IL20RA: variants seen among roughly 807,000 people sequenced by gnomAD.
The protein encoded by IL20RA is interleukin-20 receptor subunit alpha.
IL20RA carries 29 observed loss-of-function variants against 36.5 expected under a neutral mutation model. The ratio of observed to expected loss-of-function variants is 0.79; its 90% CI spans 0.59 to 1.08. IL20RA has a LOEUF of 1.08. Ranked by LOEUF, IL20RA falls within the 50% of genes least tolerant of loss-of-function variation. IL20RA has a pLI of 0.00. For synonymous variants in IL20RA, 279 were observed against 267.1 expected (o/e 1.04, Z -0.43); for missense variants, 652 against 668.4 (o/e 0.98, Z 0.27).
intron 2 of IL20RA, among the ~76,000 whole-genome samples, chr6:137,014,446 A>T (rs552535536): frequency 6.6e-6 from 1 of 152,302 alleles, no homozygotes; most frequent in African/African-American, 2.4e-5. Flanking sequence ...TATACCATAC[A>T]TATGGTTTTA....
At chr6:137,042,767 A>C (rs561603423) in intron 1 of IL20RA, 1 of 152,302 alleles carries the variant, frequency 6.6e-6, no homozygotes, top group Non-Finnish European at 1.5e-5. Flanking sequence ...AAATGAGAGC[A>C]TTAAAGCATT....
At chr6:137,043,470 G>A (rs987490941) in intron 1 of IL20RA, among the ~76,000 whole-genome samples, 2 of 152,098 alleles carry the variant, frequency 1.3e-5, no homozygotes, top group South Asian at 2.1e-4. Context: ...ATATTTGCAC[G>A]TCAGTCGTTT....
At chr6:137,043,730 G>A (rs1012112956) in intron 1 of IL20RA, among the ~76,000 whole-genome samples, 7 of 152,276 alleles carry the variant, frequency 4.6e-5, no homozygotes, top group Admixed American at 2.0e-4. Flanking sequence ...AAAAGACAGC[G>A]GGGCCTGAAC....
At chr6:137,002,875 G>A (rs1256765638) in intron 6 of IL20RA, among the ~76,000 whole-genome samples, 1 of 152,224 alleles carries the variant, frequency 6.6e-6, no homozygotes, top group Non-Finnish European at 1.5e-5. Context: ...TATATGAGCA[G>A]GGATGGTTTT....
rs1242104088 is a variant in IL20RA at position 137,009,461 on chromosome 6, A to G, written c.435T>C (p.Thr145=). The change falls in exon 4 of 7, where the codon ACT becomes ACC. Residue 145 remains threonine (T), a synonymous_variant. Transcript: ENST00000316649. ...CAACAGAAATGGACTTCTCATCTGT[A>G]GTCAGTGCCACCTCTGGTGGGCCAA... ...TQIGPPEVAL[T]TDEKSISVVL... 3 of 1,612,812 alleles carry G rather than the reference A, an allele frequency of 1.9e-6. No individual in the cohort carries two copies. The highest frequency in any genetic ancestry group is 2.5e-6 in the Non-Finnish European group (3 of 1,178,812).
rs1275037714 is a variant in IL20RA at position 137,011,322 on chromosome 6, T to C, written c.355A>G (p.Lys119Glu). 1 of 1,613,728 alleles carries C rather than the reference T, an allele frequency of 6.2e-7. No individual in the cohort carries two copies. Among genetic ancestry groups the C allele is most frequent in the Non-Finnish European group, 8.5e-7 (1 of 1,179,746 alleles). ...CCACTTTCAGCCCATTTGGAACACT[T>C]TGTTCCCCAAATGGCCTTAACTTTG... is the stretch of plus-strand genomic sequence containing the variant. ...YAKVKAIWGTKCSKWAESGRF... is the reference protein window; with the variant it reads ...YAKVKAIWGTECSKWAESGRF... Residue 119 changes from lysine (K) to glutamate (E), a missense_variant, in exon 3 of 7, where the codon AAG (lysine) becomes GAG (glutamate). Coordinates refer to ENST00000316649, the MANE Select transcript of IL20RA (RefSeq NM_014432.4).
chr6:137,016,104 C>G (rs1673742124), intron 2 of IL20RA, among the ~76,000 whole-genome samples: 1 of 152,192 alleles, frequency 6.6e-6, no homozygotes, highest in Admixed American at 6.5e-5. Context: ...TGCCTCCCAG[C>G]CAGTGCCACC....
At chr6:137,006,310 C>T (rs1775276344) in intron 5 of IL20RA, among the ~76,000 whole-genome samples, 1 of 152,236 alleles carries the variant, frequency 6.6e-6, no homozygotes, top group Non-Finnish European at 1.5e-5. Context: ...GCACATTCAT[C>T]ACCAGGTTCC....
intron 1 of IL20RA, among the ~76,000 whole-genome samples, chr6:137,019,043 T>A (rs1435608801): frequency 6.6e-6 from 1 of 152,198 alleles, no homozygotes. Context: ...AAAACAGAAG[T>A]TATCTTAGAT....
chr6:137,008,510 A>AT, intron 5 of IL20RA, 89 bp downstream of exon 5: 7 of 1,342,106 alleles, frequency 5.2e-6, no homozygotes, highest in Non-Finnish European at 6.0e-6. Flanking sequence ...TTAGACACGG[A>AT]TTTGTCAAAA....
At chr6:137,009,638 C>A (rs376884980) in intron 3 of IL20RA, 146 bp from the exon 4 acceptor site, 10 of 593,518 alleles carry the variant, frequency 1.7e-5, no homozygotes, top group African/African-American at 1.6e-4. Flanking sequence ...TGGAGTCTTG[C>A]CCCCTCGCCT....
chr6:137,011,687 G>A (rs1440450697), intron 2 of IL20RA, among the ~76,000 whole-genome samples: 1 of 152,074 alleles, frequency 6.6e-6, no homozygotes, highest in African/African-American at 2.4e-5. Context: ...ATTATAATGT[G>A]GACAGTATAT....
At position 137,011,391 on chromosome 6, in the gene IL20RA, C is replaced by A; in HGVS notation, c.286G>T (p.Asp96Tyr). 6.2e-7 allele frequency: 1 copy of A among 1,613,810 alleles called. No individual in the cohort carries two copies. Reference protein sequence around the residue: ...ECRNINRTYCDLSAETSDYEH... With the variant: ...ECRNINRTYCYLSAETSDYEH... ...TAGTCAGAAGTTTCAGCAGAAAGAT[C>A]ACAGTAGGTTCTATTGATATTTCTG... is the stretch of plus-strand genomic sequence containing the variant. The change falls in exon 3 of 7, where the codon GAT becomes TAT. Residue 96 changes from aspartate to tyrosine, a missense_variant. By Grantham distance (160) the Asp-to-Tyr change is radical. Transcript: ENST00000316649.
chr6:137,025,917 T>C (rs180806153), intron 1 of IL20RA, among the ~76,000 whole-genome samples: 5 of 152,368 alleles, frequency 3.3e-5, no homozygotes, highest in Non-Finnish European at 7.3e-5. Flanking sequence ...GGTGAACTCA[T>C]AAACAGCCAG....
intron 1 of IL20RA, among the ~76,000 whole-genome samples, chr6:137,018,631 G>A (rs752361496): frequency 2.0e-5 from 3 of 151,564 alleles, no homozygotes; most frequent in Non-Finnish European, 4.4e-5. Context: ...GGAACCATTG[G>A]GTAGCAAGTG....
At chr6:137,003,972 C>T (rs1775173896) in intron 6 of IL20RA, among the ~76,000 whole-genome samples, 1 of 152,104 alleles carries the variant, frequency 6.6e-6, no homozygotes, top group South Asian at 2.1e-4. Flanking sequence ...ATTCCCAGCG[C>T]CTGCTCTCAT....
rs184492494 is a variant in IL20RA at position 137,017,828 on chromosome 6, A to G, written c.89-725T>C. On this transcript the variant is annotated intron_variant, in intron 1 of 6. Coordinates refer to ENST00000316649, the MANE Select transcript of IL20RA (RefSeq NM_014432.4). ...AGAAAAACTGTATCCTAGAGGATTA[A>G]TTTACAGAAATCCTTGTAGAGAAAT... Among the ~76,000 whole-genome samples, 3 of 152,304 alleles carry G rather than the reference A, an allele frequency of 2.0e-5. No homozygotes were observed. In the East Asian group the frequency reaches 5.8e-4, roughly 29 times the overall value.
chr6:137,008,576 A>G (rs1328994413), intron 5 of IL20RA, 23 bp downstream of exon 5: 2 of 1,576,706 alleles, frequency 1.3e-6, no homozygotes, highest in East Asian at 4.6e-5. Context: ...TTCCTAGACC[A>G]GCAAAGATTT....
At chr6:137,022,173 C>T (rs192933384) in intron 1 of IL20RA, among the ~76,000 whole-genome samples, 2 of 152,286 alleles carry the variant, frequency 1.3e-5, no homozygotes, top group East Asian at 3.9e-4. Context: ...ATGTTAGATA[C>T]TAATCTGTTC....
Sources: allele counts gnomAD v4.1 joint callset (sites outside exome capture counted in the v4.1 genomes callset), GRCh38; gene constraint gnomAD v4.1.1; transcripts MANE v1.5; gene names NCBI Gene and HGNC (gene_info 2026-07-23, HGNC 2026-07-21).